Variants in CNBD1 observed in about 807,000 individuals in gnomAD.
CNBD1 encodes cyclic nucleotide binding domain containing 1, also known as cyclic nucleotide-binding domain-containing protein 1.
A neutral mutation model predicts 54.4 loss-of-function variants in CNBD1; 71 were observed. The observed-to-expected ratio is 1.30, with a 90% CI of 1.08 to 1.59. CNBD1 has a LOEUF of 1.59. Ranked by LOEUF, CNBD1 falls within the 40% of genes most tolerant of loss-of-function variation. The pLI is 0.00. For synonymous variants in CNBD1, 182 were observed against 170.7 expected (o/e 1.07, Z -0.51); for missense variants, 659 against 518.0 (o/e 1.27, Z -2.64).
chr8:87,402,554 A>T (rs572242927), intron 2 of CNBD1, among the ~76,000 whole-genome samples: 1 of 152,228 alleles, frequency 6.6e-6, no homozygotes, highest in East Asian at 1.9e-4. Context: ...GCATGAGCAA[A>T]GGCACAGAGG....
At chr8:87,251,075 A>G (rs1807906973) in intron 6 of CNBD1, among the ~76,000 whole-genome samples, 1 of 152,146 alleles carries the variant, frequency 6.6e-6, no homozygotes, top group African/African-American at 2.4e-5. Context: ...TCCTATATCA[A>G]AACATCACAT....
chr8:87,106,170 C>G (rs546491412), intron 4 of CNBD1, among the ~76,000 whole-genome samples: 4 of 150,726 alleles, frequency 2.7e-5, no homozygotes, highest in Non-Finnish European at 5.9e-5. Context: ...CCTTTCCATT[C>G]CTTTCCATTC....
chr8:87,291,564 A>C (rs2130875138), intron 8 of CNBD1, among the ~76,000 whole-genome samples: 1 of 152,276 alleles, frequency 6.6e-6, no homozygotes, highest in Admixed American at 6.5e-5. Context: ...TGTTATAAAA[A>C]AAAATGGGCC....
At chr8:87,242,012 G>A (rs1456373193) in intron 6 of CNBD1, among the ~76,000 whole-genome samples, 2 of 152,080 alleles carry the variant, frequency 1.3e-5, no homozygotes, top group African/African-American at 4.8e-5. Flanking sequence ...AACTAGTTGA[G>A]GACATAATTG....
At chr8:87,382,200 T>A (rs554920139) in intron 10 of CNBD1, among the ~76,000 whole-genome samples, 14 of 152,056 alleles carry the variant, frequency 9.2e-5, no homozygotes, top group African/African-American at 3.4e-4. Context: ...TGTTCAGCAT[T>A]TTGGCATTTC....
intron 4 of CNBD1, among the ~76,000 whole-genome samples, chr8:87,074,775 A>G (rs1463838681): frequency 6.6e-6 from 1 of 150,892 alleles, no homozygotes; most frequent in Non-Finnish European, 1.5e-5. Context: ...ATCAGTCCCA[A>G]GGTGAGAACC....
chr8:86,920,670 A>G (rs1030760225), intron 3 of CNBD1, among the ~76,000 whole-genome samples: 20 of 152,162 alleles, frequency 1.3e-4, no homozygotes, highest in Admixed American at 1.3e-3. Flanking sequence ...ATGCTCAGTC[A>G]CCCAAATTGC....
intron 4 of CNBD1, among the ~76,000 whole-genome samples, chr8:87,203,912 G>T (rs927418915): frequency 6.6e-6 from 1 of 152,174 alleles, no homozygotes; most frequent in Non-Finnish European, 1.5e-5. Context: ...GAGCAACATT[G>T]CTGTTTTGCT....
At chr8:87,313,961 T>C (rs1156828856) in intron 8 of CNBD1, among the ~76,000 whole-genome samples, 7 of 151,966 alleles carry the variant, frequency 4.6e-5, no homozygotes, top group Non-Finnish European at 1.0e-4. Flanking sequence ...TGTGTTCATC[T>C]TAGAAGACTG....
rs374051109 is a variant in CNBD1, at chr8:87,353,647, A to G, written c.1164A>G (p.Gln388=). 49 of 1,582,700 alleles carry G rather than the reference A, an allele frequency of 3.1e-5. No individual in the cohort carries two copies. The highest frequency in any genetic ancestry group is 6.9e-6 in the Non-Finnish European group (8 of 1,165,394). The change falls in exon 10 of 11, where the codon CAA becomes CAG. Residue 388 remains glutamine, a synonymous_variant. Transcript: ENST00000518476. ...TATTTTTTTAACAGAAAAGATCTCA[A>G]AAACTTGTTTATATGGGGAAACTTA... ...KLRSNKVKRS[Q]KLVYMGKLKE...
chr8:87,033,215 G>A (rs1375146882), intron 4 of CNBD1, among the ~76,000 whole-genome samples: 2 of 152,048 alleles, frequency 1.3e-5, no homozygotes, highest in African/African-American at 2.4e-5. Flanking sequence ...AATTTCTTAC[G>A]CAGAGTACCA....
At chr8:87,194,993 C>G (rs1205163775) in intron 4 of CNBD1, among the ~76,000 whole-genome samples, 3 of 151,994 alleles carry the variant, frequency 2.0e-5, no homozygotes, top group Non-Finnish European at 4.4e-5. Context: ...AAGCAATTCT[C>G]TTGCCTCAGC....
intron 2 of CNBD1, among the ~76,000 whole-genome samples, chr8:86,898,193 C>T (rs1808876627): frequency 6.6e-6 from 1 of 152,008 alleles, no homozygotes. Context: ...TCTACTGGTT[C>T]ACTGAAATGT....
intron 4 of CNBD1, among the ~76,000 whole-genome samples, chr8:87,062,866 T>C (rs1039679007): frequency 6.6e-6 from 1 of 152,212 alleles, no homozygotes; most frequent in Non-Finnish European, 1.5e-5. Context: ...AGATAGGTCT[T>C]AATAGTAATG....
intron 4 of CNBD1, among the ~76,000 whole-genome samples, chr8:87,088,224 T>C (rs1811140639): frequency 1.3e-5 from 2 of 152,316 alleles, no homozygotes; most frequent in South Asian, 4.1e-4. Context: ...CCCACACTTA[T>C]GAATATTAAA....
chr8:87,398,834 A>G (rs1260928623), intron 2 of CNBD1, among the ~76,000 whole-genome samples: 1 of 151,938 alleles, frequency 6.6e-6, no homozygotes, highest in African/African-American at 2.4e-5. Flanking sequence ...CTTTAACTCT[A>G]TTGTTAATAT....
chr8:87,222,281 C>T (rs971175473), intron 5 of CNBD1, among the ~76,000 whole-genome samples: 1 of 152,162 alleles, frequency 6.6e-6, no homozygotes, highest in African/African-American at 2.4e-5. Context: ...TGTAGGGGAT[C>T]ATTAATTAAG....
chr8:87,379,828 A>G (rs1010930703), intron 10 of CNBD1, among the ~76,000 whole-genome samples: 17 of 152,136 alleles, frequency 1.1e-4, no homozygotes, highest in Admixed American at 2.0e-4. Context: ...GTAGAATTAT[A>G]AAAACACAGG....
rs867291578 is a variant in CNBD1, at chr8:87,409,777, C to A, written c.214-18769C>A. On this transcript the variant is annotated intron_variant, in intron 2 of 7. Coordinates refer to the CNBD1 transcript ENST00000521593. Reference sequence around the variant, plus strand: ...GTGGCTCATGCCTGTAATCCTAGCACTTTGGGAGGCTGAAGCGGGAGGATT... The same window carrying A: ...GTGGCTCATGCCTGTAATCCTAGCAATTTGGGAGGCTGAAGCGGGAGGATT... Among the ~76,000 whole-genome samples, 6 of 152,118 alleles carry A rather than the reference C, an allele frequency of 3.9e-5. 1 individual carries two copies. Among genetic ancestry groups the A allele is most frequent in the Admixed American group, 6.6e-5 (1 of 15,262 alleles).
Sources: allele counts gnomAD v4.1 joint callset (sites outside exome capture counted in the v4.1 genomes callset), GRCh38; gene constraint gnomAD v4.1.1; transcripts MANE v1.5; gene names NCBI Gene and HGNC (gene_info 2026-07-23, HGNC 2026-07-21).